EPS15: variants seen among roughly 807,000 people sequenced by gnomAD.
EPS15 encodes the protein epidermal growth factor receptor pathway substrate 15, also known as epidermal growth factor receptor substrate 15.
In EPS15, 72 loss-of-function variants were observed where a neutral mutation model predicts 113.8. The ratio of observed to expected loss-of-function variants is 0.63; its 90% CI spans 0.52 to 0.77. The LOEUF (loss-of-function observed/expected upper bound fraction) is 0.77. EPS15 is among the 30% of genes least tolerant of loss of function. The pLI is 0.00. For missense variants in EPS15, 1,048 were observed against 1,045.8 expected (o/e 1.00, Z -0.03); for synonymous variants, 344 against 363.4 (o/e 0.95, Z 0.61).
chr1:51,375,796 C>T (rs547357453), intron 21 of EPS15, among the ~76,000 whole-genome samples: 35 of 152,204 alleles, frequency 2.3e-4, no homozygotes, highest in African/African-American at 8.2e-4. Context: ...TAGGAAAAGA[C>T]TTACGTTGTA....
At chr1:51,376,835 A>T (rs1324747494) in intron 21 of EPS15, among the ~76,000 whole-genome samples, 1 of 152,180 alleles carries the variant, frequency 6.6e-6, no homozygotes, top group African/African-American at 2.4e-5. Flanking sequence ...AGTAATTTTG[A>T]CTTTCTAGTT....
chr1:51,379,069 C>T (rs78576298), intron 21 of EPS15, among the ~76,000 whole-genome samples: 9,445 of 152,260 alleles, frequency 0.062, 312 homozygotes, highest in Non-Finnish European at 0.074. Flanking sequence ...AAAGATAGCA[C>T]TGTGAAAGTA....
At chr1:51,366,590 A>G (rs916291792) in intron 21 of EPS15, among the ~76,000 whole-genome samples, 1 of 152,242 alleles carries the variant, frequency 6.6e-6, no homozygotes, top group Non-Finnish European at 1.5e-5. Context: ...GTACAGGTAA[A>G]GGAACAACTA....
chr1:51,445,180 T>A, intron 10 of EPS15, 135 bp from the exon 11 acceptor site: 1 of 773,110 alleles, frequency 1.3e-6, no homozygotes, highest in Non-Finnish European at 2.0e-6. Flanking sequence ...TGCAGGTTAT[T>A]AAAAACTCAC....
At chr1:51,435,583 C>T (rs1480736247) in intron 12 of EPS15, among the ~76,000 whole-genome samples, 1 of 152,124 alleles carries the variant, frequency 6.6e-6, no homozygotes, top group Non-Finnish European at 1.5e-5. Context: ...TCTATTCTGC[C>T]ATAAACTTTG....
chr1:51,412,508 G>C (rs946806376), intron 13 of EPS15, among the ~76,000 whole-genome samples: 1 of 152,132 alleles, frequency 6.6e-6, no homozygotes, highest in Non-Finnish European at 1.5e-5. Context: ...AGACTTTCCA[G>C]TGCTAACATT....
intron 13 of EPS15, among the ~76,000 whole-genome samples, chr1:51,416,849 C>T (rs1650268293): frequency 1.3e-5 from 2 of 149,968 alleles, no homozygotes; most frequent in Admixed American, 1.3e-4. Context: ...ATATATTATA[C>T]ATAATTATAT....
chr1:51,473,579 G>GAAAC (rs1022191977), intron 2 of EPS15, among the ~76,000 whole-genome samples: 23 of 151,342 alleles, frequency 1.5e-4, no homozygotes, highest in Middle Eastern at 3.4e-3. Flanking sequence ...CACAAGAACA[G>GAAAC]AAACAAACAA....
intron 21 of EPS15, among the ~76,000 whole-genome samples, chr1:51,379,062 G>A (rs1403858280): frequency 6.6e-6 from 1 of 152,214 alleles, no homozygotes; most frequent in African/African-American, 2.4e-5. Flanking sequence ...CAGAAACAAA[G>A]ATAGCACTGT....
Position 51,366,041 on chromosome 1 carries a change from A to C in EPS15, c.2120-12T>G, listed in dbSNP as rs1037001699. On this transcript the variant is annotated splice_polypyrimidine_tract_variant and intron_variant, in intron 21 of 24. Transcript: ENST00000371733. ...AAAGGGGTCTGTGGCTAAAATGAAT[A>C]AAGAAAATAAATGAAACAGGACAGT... The C allele has an allele frequency of 3.8e-6, 6 of 1,594,286 alleles. No homozygotes were observed. In the African/African-American group the frequency reaches 6.7e-5, roughly 18 times the overall value.
At chr1:51,386,431 TAAG>T (rs1328010652) in intron 21 of EPS15, among the ~76,000 whole-genome samples, 1 of 152,086 alleles carries the variant, frequency 6.6e-6, no homozygotes, top group Non-Finnish European at 1.5e-5. Flanking sequence ...ATATCTGAAT[TAAG>T]ATTTGTCAGC....
intron 24 of EPS15, among the ~76,000 whole-genome samples, chr1:51,357,230 T>C (rs1447954114): frequency 6.6e-6 from 1 of 150,944 alleles, no homozygotes; most frequent in Non-Finnish European, 1.5e-5. Flanking sequence ...ATACAAAAAT[T>C]AGCTGGGCAT....
At chr1:51,466,725 T>A (rs961539959) in intron 5 of EPS15, among the ~76,000 whole-genome samples, 1 of 151,890 alleles carries the variant, frequency 6.6e-6, no homozygotes, top group Non-Finnish European at 1.5e-5. Flanking sequence ...CCTGACAATT[T>A]ATTTACACAA....
In EPS15 at chr1:51,356,472, C is replaced by A; in HGVS notation, c.*228G>T. The A allele has an allele frequency of 8.9e-6, 4 of 448,232 alleles. No individual in the cohort carries two copies. Among genetic ancestry groups the A allele is most frequent in the Non-Finnish European group, 1.2e-5 (3 of 254,984 alleles). The allele number at this position is 448,232 out of a possible 1,614,324, so 27.8% of individuals were successfully genotyped here. A position where few individuals can be genotyped will look rare whatever the true frequency, so the allele number is the denominator to read the frequency against. The stretch of plus-strand genomic sequence containing the variant: ...AGTAAATGTATACCAGAACAGGGGC[C>A]TAAGTGAAGGTGAATTTGTCTGACT... On this transcript the variant is annotated 3_prime_UTR_variant, in exon 25 of 25. Transcript: ENST00000371733.
At chr1:51,482,711 C>A (rs1557512706) in intron 1 of EPS15, among the ~76,000 whole-genome samples, 1 of 152,068 alleles carries the variant, frequency 6.6e-6, no homozygotes, top group Non-Finnish European at 1.5e-5. Flanking sequence ...AGTGATCCAC[C>A]CGTTGTGGCT....
At chr1:51,413,518 G>C (rs959483300) in intron 13 of EPS15, among the ~76,000 whole-genome samples, 1 of 152,124 alleles carries the variant, frequency 6.6e-6, no homozygotes, top group African/African-American at 2.4e-5. Context: ...AGAAAGAAAA[G>C]ACTTACATTC....
At chr1:51,375,151 G>A (rs1309262333) in intron 21 of EPS15, among the ~76,000 whole-genome samples, 1 of 151,508 alleles carries the variant, frequency 6.6e-6, no homozygotes, top group African/African-American at 2.4e-5. Flanking sequence ...ACAGGTGCCC[G>A]CCACCACGCC....
chr1:51,514,049 T>G (rs572000061), intron 1 of EPS15, among the ~76,000 whole-genome samples: 1 of 152,308 alleles, frequency 6.6e-6, no homozygotes, highest in South Asian at 2.1e-4. Flanking sequence ...TATAAAATTT[T>G]AGTGTTTTTT....
chr1:51,475,657 T>G (rs901086352), intron 2 of EPS15, among the ~76,000 whole-genome samples: 1 of 152,200 alleles, frequency 6.6e-6, no homozygotes, highest in African/African-American at 2.4e-5. Context: ...GTAGTTTCTT[T>G]TGCTGTGTGG....
Sources: gnomAD v4.1 joint callset for allele counts (sites outside exome capture counted in the v4.1 genomes callset) on GRCh38, gnomAD v4.1.1 for gene constraint, MANE v1.5 for transcripts, NCBI Gene and HGNC (gene_info 2026-07-23, HGNC 2026-07-21) for gene names.